TENM2: variants seen among roughly 807,000 people sequenced by gnomAD.
TENM2 encodes the protein teneurin transmembrane protein 2.
In TENM2, 52 loss-of-function variants were observed where a neutral mutation model predicts 245.2. The ratio of observed to expected loss-of-function variants is 0.21; its 90% CI spans 0.17 to 0.27. The LOEUF is 0.27. Among genes scored for constraint, TENM2 ranks in the 10% least tolerant of loss-of-function variants. The probability of loss-of-function intolerance (pLI) is 1.00; values close to 1 mark genes in which losing one functional copy is unlikely to be tolerated. For synonymous variants in TENM2, 1,363 were observed against 1,438.9 expected (o/e 0.95, Z 1.19); for missense variants, 3,046 against 3,666.8 (o/e 0.83, Z 4.37).
chr5:167,585,971 A>C (rs937811081), intron 2 of TENM2, among the ~76,000 whole-genome samples: 6 of 152,160 alleles, frequency 3.9e-5, no homozygotes, highest in Admixed American at 6.6e-5. Context: ...CAAAAAATAA[A>C]GAAATAAGCT....
At position 168,244,739 on chromosome 5, in the gene TENM2, CA is replaced by C; in HGVS notation, c.5817+24del. The stretch of plus-strand genomic sequence containing the variant: ...AAGGTAGGTGAACATGCTGCCCTGA[CA>C]GCAAGGGCTTTCTGTTATTTCTGTT... On this transcript the variant is annotated intron_variant, in intron 26 of 28. Transcript: ENST00000518659. This position sits in a 1 kb window ranked among gnomAD's most constrained non-coding sequence, Gnocchi z 4.9. 1 of 1,396,140 alleles carries C rather than the reference CA, an allele frequency of 7.2e-7. No individual in the cohort carries two copies. 86.5% of individuals were successfully genotyped at this position (1,396,140 alleles called of 1,614,324 possible).
chr5:167,340,878 G>A (rs1341775937), intron 1 of TENM2, among the ~76,000 whole-genome samples: 1 of 152,104 alleles, frequency 6.6e-6, no homozygotes, highest in East Asian at 1.9e-4. Context: ...TCCTGTTTGG[G>A]GTTTATTATT....
At chr5:167,130,266 G>A in the TENM2 span, among the ~76,000 whole-genome samples, 3 of 152,188 alleles carry the variant, frequency 2.0e-5, no homozygotes, top group Non-Finnish European at 2.9e-5. Flanking sequence ...GAGTGTTTGC[G>A]CTTTGATAAT....
intron 2 of TENM2, among the ~76,000 whole-genome samples, chr5:167,381,876 C>G (rs977734299): frequency 6.6e-6 from 1 of 152,124 alleles, no homozygotes; most frequent in Non-Finnish European, 1.5e-5. Flanking sequence ...TAATTTTGCT[C>G]TACTAAATTT....
At chr5:167,507,268 T>A (rs1228797183) in intron 2 of TENM2, among the ~76,000 whole-genome samples, 5 of 152,218 alleles carry the variant, frequency 3.3e-5, no homozygotes, top group Non-Finnish European at 5.9e-5. Context: ...GTTATTTAAC[T>A]TTTTAGAGGA....
intron 2 of TENM2, among the ~76,000 whole-genome samples, chr5:167,677,118 T>C (rs539200882): frequency 5.3e-5 from 8 of 152,140 alleles, no homozygotes; most frequent in Non-Finnish European, 1.2e-4. Context: ...TCTCAGTTCC[T>C]AGTCTAACAG....
chr5:167,419,000 A>G (rs557277575), intron 2 of TENM2, among the ~76,000 whole-genome samples: 1 of 152,306 alleles, frequency 6.6e-6, no homozygotes, highest in Admixed American at 6.5e-5. Flanking sequence ...AGATAATTTG[A>G]CTAAAGTATA....
chr5:167,697,987 A>G (rs1462146202), intron 2 of TENM2, among the ~76,000 whole-genome samples: 4 of 152,170 alleles, frequency 2.6e-5, no homozygotes, highest in Admixed American at 6.5e-5. Context: ...AAGTGATTAA[A>G]TTTCTGTTTT....
At chr5:167,930,499 G>A (rs1389146916) in intron 3 of TENM2, among the ~76,000 whole-genome samples, 1 of 150,988 alleles carries the variant, frequency 6.6e-6, no homozygotes, top group Admixed American at 6.6e-5. Context: ...ATTAGAGACA[G>A]GGTCTCACCC....
chr5:168,114,127 C>T (rs1178759959), intron 9 of TENM2, among the ~76,000 whole-genome samples: 1 of 152,172 alleles, frequency 6.6e-6, no homozygotes, highest in East Asian at 1.9e-4. Flanking sequence ...TGTAAGGGAG[C>T]ATCTCTTAAT....
In TENM2 at chr5:167,910,974, G is replaced by GA. The variant is rs976678915; in HGVS notation, c.712+34785dup. The stretch of plus-strand genomic sequence containing the variant: ...TATTTTTTGGTTAAACAAACCCTAG[G>GA]AAAAAAGCGTATTTATGCATCAAAA... On this transcript the variant is annotated intron_variant, in intron 3 of 28. Transcript: ENST00000518659. 2.2e-4 allele frequency among the ~76,000 whole-genome samples: 33 copies of GA among 151,994 alleles called. 6 individuals carry two copies. Among genetic ancestry groups the GA allele is most frequent in the Admixed American group, 1.2e-3 (18 of 15,260 alleles).
chr5:167,424,474 A>G (rs1185379586), intron 2 of TENM2, among the ~76,000 whole-genome samples: 1 of 152,192 alleles, frequency 6.6e-6, no homozygotes, highest in Non-Finnish European at 1.5e-5. Flanking sequence ...TTTTATAATA[A>G]AACTAAGGTT....
At chr5:167,396,822 C>T (rs753416929) in intron 2 of TENM2, among the ~76,000 whole-genome samples, 8 of 152,020 alleles carry the variant, frequency 5.3e-5, no homozygotes, top group Non-Finnish European at 1.2e-4. Context: ...ATGACAAGGG[C>T]GAAGGCAGAC....
At chr5:167,813,379 C>T (rs1766787271) in intron 2 of TENM2, among the ~76,000 whole-genome samples, 1 of 145,024 alleles carries the variant, frequency 6.9e-6, no homozygotes, top group Non-Finnish European at 1.5e-5. Context: ...GAAGAGCTTA[C>T]AAGTTCTGCA....
At chr5:167,683,517 A>G (rs1348594344) in intron 2 of TENM2, among the ~76,000 whole-genome samples, 1 of 152,230 alleles carries the variant, frequency 6.6e-6, no homozygotes, top group East Asian at 1.9e-4. Flanking sequence ...TGAATGTAAT[A>G]TAATCCCAAA....
rs184696290 is a variant in TENM2, at chr5:168,135,837, A to G, written c.2422+8871A>G. ...TAGGACGAAACATCTGCAAAGTTGC[A>G]TCCGGAAACATCTGAATAGCTACCA... On this transcript the variant is annotated intron_variant, in intron 12 of 28. Transcript: ENST00000518659. 1.8e-3 allele frequency among the ~76,000 whole-genome samples: 272 copies of G among 152,320 alleles called. 1 individual carries two copies. Among genetic ancestry groups the G allele is most frequent in the African/African-American group, 6.0e-3 (251 of 41,570 alleles).
chr5:168,029,903 A>T (rs746575477), intron 5 of TENM2, among the ~76,000 whole-genome samples: 1 of 152,202 alleles, frequency 6.6e-6, no homozygotes, highest in Non-Finnish European at 1.5e-5. Context: ...TTAAAGTTCC[A>T]TTGATGTGGC....
chr5:167,432,359 C>T (rs561858847), intron 2 of TENM2, among the ~76,000 whole-genome samples: 16 of 151,710 alleles, frequency 1.1e-4, no homozygotes, highest in Admixed American at 3.9e-4. Context: ...TTCTCCATAC[C>T]GGAAAAATAA....
At chr5:167,324,369 T>C (rs1756956066) in intron 1 of TENM2, among the ~76,000 whole-genome samples, 1 of 152,222 alleles carries the variant, frequency 6.6e-6, no homozygotes, top group Non-Finnish European at 1.5e-5. Context: ...CAATTTGTAT[T>C]CCTCAGAAGC....
Sources: allele counts gnomAD v4.1 joint callset (sites outside exome capture counted in the v4.1 genomes callset), GRCh38; gene constraint gnomAD v4.1.1; non-coding constraint Gnocchi (gnomAD v3.1); transcripts MANE v1.5; gene names NCBI Gene and HGNC (gene_info 2026-07-23, HGNC 2026-07-21).